The following IMMP2L variants were observed in gnomAD, a reference collection of about 807,000 sequenced individuals.
The protein encoded by IMMP2L is inner mitochondrial membrane peptidase subunit 2.
IMMP2L carries 18 observed loss-of-function variants against 19.3 expected under a neutral mutation model. That is an observed-to-expected ratio of 0.93 (90% CI 0.64 to 1.38). The LOEUF is 1.38. Among genes scored for constraint, IMMP2L ranks in the 40% most tolerant of loss-of-function variants. The pLI is 0.00. For synonymous variants in IMMP2L, 76 were observed against 73.0 expected (o/e 1.04, Z -0.21); for missense variants, 233 against 218.2 (o/e 1.07, Z -0.43).
chr7:111,502,100 G>C (rs1046417606), intron 2 of IMMP2L, among the ~76,000 whole-genome samples: 15 of 152,026 alleles, frequency 9.9e-5, no homozygotes, highest in African/African-American at 3.4e-4. Flanking sequence ...ACACACATAG[G>C]CTCAAAATAA....
chr7:110,753,396 G>A (rs1797847805), intron 5 of IMMP2L, among the ~76,000 whole-genome samples: 1 of 151,894 alleles, frequency 6.6e-6, no homozygotes, highest in South Asian at 2.1e-4. Flanking sequence ...GTGGAGACCA[G>A]GTTTACTTTC....
chr7:110,733,990 A>G, intron 5 of IMMP2L, among the ~76,000 whole-genome samples: 1 of 152,174 alleles, frequency 6.6e-6, no homozygotes. Context: ...TACCCAATCT[A>G]AAGTATTTTG....
chr7:111,014,388 T>C (rs1312198542), intron 3 of IMMP2L, among the ~76,000 whole-genome samples: 6 of 151,598 alleles, frequency 4.0e-5, no homozygotes, highest in Non-Finnish European at 5.9e-5. Context: ...TATATATATA[T>C]ACACACACAC....
intron 3 of IMMP2L, among the ~76,000 whole-genome samples, chr7:111,037,904 G>A (rs145803337): frequency 5.1e-4 from 77 of 152,228 alleles, no homozygotes; most frequent in African/African-American, 1.7e-3. Context: ...AGTTTTAAAT[G>A]TACTGTATTT....
chr7:111,538,804 C>A (rs1385341014), intron 1 of IMMP2L, among the ~76,000 whole-genome samples: 2 of 137,748 alleles, frequency 1.5e-5, no homozygotes, highest in African/African-American at 5.7e-5. Context: ...AGCAATGAGA[C>A]CCTGGCTCAT....
At chr7:110,714,353 T>A (rs1795099857) in intron 5 of IMMP2L, among the ~76,000 whole-genome samples, 1 of 152,188 alleles carries the variant, frequency 6.6e-6, no homozygotes, top group Non-Finnish European at 1.5e-5. Flanking sequence ...TTTTCCACCT[T>A]AACATAGATA....
intron 1 of IMMP2L, among the ~76,000 whole-genome samples, 173 bp downstream of exon 1, chr7:111,561,678 G>A (rs1474838550): frequency 1.3e-5 from 2 of 152,126 alleles, no homozygotes; most frequent in African/African-American, 4.8e-5. Flanking sequence ...GCTGAAAACA[G>A]TCCGGGGCCT....
chr7:111,434,425 AACAG>A (rs143270582), intron 3 of IMMP2L, among the ~76,000 whole-genome samples: 3,378 of 151,318 alleles, frequency 0.022, 169 homozygotes, highest in African/African-American at 0.074. Context: ...CAGCAGAGTA[AACAG>A]ACAAACTACA....
intron 3 of IMMP2L, among the ~76,000 whole-genome samples, chr7:111,366,766 T>C (rs1173327723): frequency 6.6e-6 from 1 of 152,006 alleles, no homozygotes; most frequent in African/African-American, 2.4e-5. Context: ...ATATTCATTC[T>C]CTCTATACAT....
chr7:111,089,958 T>G lies in IMMP2L; in HGVS notation c.240-126393A>C, dbSNP rs570892669. ...GAGCAATTAGATGTGAAGGTTTTGT[T>G]TTTTTTTTCCTAAGTAAATCTAATA... On this transcript the variant is annotated intron_variant, in intron 3 of 5. Coordinates refer to ENST00000405709, the MANE Select transcript of IMMP2L (RefSeq NM_032549.4). Among the ~76,000 whole-genome samples, 12 of 151,522 alleles carry G rather than the reference T, an allele frequency of 7.9e-5. 1 individual carries two copies. The South Asian group carries it at 2.1e-3, about 26-fold the overall frequency.
chr7:111,377,456 A>G (rs1055454494), intron 3 of IMMP2L, among the ~76,000 whole-genome samples: 2 of 151,670 alleles, frequency 1.3e-5, no homozygotes, highest in African/African-American at 4.8e-5. Flanking sequence ...GCTCTATGAT[A>G]CTCTTCATGC....
In IMMP2L at chr7:111,081,945, C is replaced by A. The variant is rs183373430; in HGVS notation, c.240-118380G>T. On this transcript the variant is annotated intron_variant, in intron 3 of 5. Transcript: ENST00000405709. Reference sequence around the variant, plus strand: ...GATTGCCTGATATTTTAAGTAGGAGCTGCTTTCTTTGCTGTAGGTTGGCAG... The same window carrying A: ...GATTGCCTGATATTTTAAGTAGGAGATGCTTTCTTTGCTGTAGGTTGGCAG... Among the ~76,000 whole-genome samples, 13 of 152,336 alleles carry A rather than the reference C, an allele frequency of 8.5e-5. 1 individual carries two copies. The East Asian group carries it at 2.5e-3, about 29-fold the overall frequency.
At chr7:111,410,767 T>C (rs1834336697) in intron 3 of IMMP2L, among the ~76,000 whole-genome samples, 1 of 151,730 alleles carries the variant, frequency 6.6e-6, no homozygotes, top group Non-Finnish European at 1.5e-5. Flanking sequence ...AAAATATTTT[T>C]GATACGAAAA....
intron 3 of IMMP2L, among the ~76,000 whole-genome samples, chr7:111,478,558 C>CTTTT (rs1375197039): frequency 6.9e-5 from 8 of 116,650 alleles, no homozygotes; most frequent in Admixed American, 1.7e-4. Flanking sequence ...CCATGCCCAG[C>CTTTT]TTTTGTTTGT....
intron 2 of IMMP2L, among the ~76,000 whole-genome samples, chr7:111,498,542 C>G (rs1234972880): frequency 1.3e-5 from 2 of 151,576 alleles, no homozygotes; most frequent in African/African-American, 2.4e-5. Flanking sequence ...AAAAAAAGGT[C>G]ATAGTAAGGT....
intron 3 of IMMP2L, among the ~76,000 whole-genome samples, chr7:111,088,256 A>G (rs1013256320): frequency 3.3e-5 from 5 of 152,236 alleles, no homozygotes; most frequent in Admixed American, 2.0e-4. Flanking sequence ...AAACTCTTTC[A>G]GTATAATTTA....
intron 5 of IMMP2L, among the ~76,000 whole-genome samples, chr7:110,722,959 T>G (rs987624399): frequency 6.6e-6 from 1 of 152,130 alleles, no homozygotes; most frequent in East Asian, 1.9e-4. Context: ...AGGGAAAAAC[T>G]CAAGCTGTGA....
intron 3 of IMMP2L, among the ~76,000 whole-genome samples, chr7:111,384,561 G>C (rs1040667356): frequency 2.6e-5 from 4 of 152,028 alleles, no homozygotes; most frequent in Admixed American, 2.6e-4. Flanking sequence ...CTCTATTATT[G>C]AAAGAAGACA....
At chr7:111,006,740 A>C (rs1824327792) in intron 3 of IMMP2L, among the ~76,000 whole-genome samples, 1 of 152,004 alleles carries the variant, frequency 6.6e-6, no homozygotes, top group African/African-American at 2.4e-5. Context: ...TTTTGCGTCT[A>C]CTTTTCTCTC....
Sources: allele counts gnomAD v4.1 joint callset (sites outside exome capture counted in the v4.1 genomes callset), GRCh38; gene constraint gnomAD v4.1.1; transcripts MANE v1.5; gene names NCBI Gene and HGNC (gene_info 2026-07-23, HGNC 2026-07-21).